CADPS: variants seen among roughly 807,000 people sequenced by gnomAD.
CADPS encodes calcium dependent secretion activator.
Under a neutral mutation model 167.3 loss-of-function variants are expected in CADPS, and 57 were observed. That is an observed-to-expected ratio of 0.34 (90% confidence interval 0.28 to 0.42). CADPS has a LOEUF of 0.42. CADPS is among the 20% of genes least tolerant of loss of function. CADPS has a pLI of 1.00. For missense variants in CADPS, 1,414 were observed against 1,738.1 expected, an observed-to-expected ratio of 0.81 and a Z score of 3.32; for synonymous variants, 676 against 635.3, an observed-to-expected ratio of 1.06 and a Z score of -0.96.
intron 6 of CADPS, among the ~76,000 whole-genome samples, chr3:62,627,922 G>A (rs1380647741): frequency 1.3e-5 from 2 of 152,216 alleles, no homozygotes; most frequent in South Asian, 2.1e-4. Flanking sequence ...AATTCTAATC[G>A]AGGATCCTCA....
chr3:62,693,381 A>G (rs1475391505), intron 3 of CADPS, among the ~76,000 whole-genome samples: 3 of 152,152 alleles, frequency 2.0e-5, no homozygotes, highest in Non-Finnish European at 2.9e-5. Flanking sequence ...TGTCATGCTT[A>G]TCAATTGTGT....
At chr3:62,418,514 A>AT (rs1400581762) in intron 28 of CADPS, among the ~76,000 whole-genome samples, 1 of 67,648 alleles carries the variant, frequency 1.5e-5, no homozygotes, top group Non-Finnish European at 3.1e-5. Context: ...TTTTTTTGGT[A>AT]TTTTTTTGTA....
chr3:62,696,635 A>G (rs1443404368), intron 3 of CADPS, among the ~76,000 whole-genome samples: 1 of 152,112 alleles, frequency 6.6e-6, no homozygotes, highest in East Asian at 1.9e-4. Flanking sequence ...ATTGCTGCCT[A>G]TATGATATCT....
intron 3 of CADPS, among the ~76,000 whole-genome samples, chr3:62,700,240 G>A (rs149441086): frequency 6.6e-6 from 1 of 152,228 alleles, no homozygotes; most frequent in East Asian, 1.9e-4. Context: ...CCCTTCAAGA[G>A]GTGGAGCTTA....
At chr3:62,530,894 A>G in intron 13 of CADPS, 2 of 659,464 alleles carry the variant, frequency 3.0e-6, no homozygotes, top group Non-Finnish European at 3.8e-6. Context: ...CACATGCACA[A>G]ACAAAAGAAA....
intron 8 of CADPS, among the ~76,000 whole-genome samples, chr3:62,579,822 A>T (rs55688316): frequency 0.42 from 63,089 of 151,590 alleles, 14,427 homozygotes; most frequent in African/African-American, 0.62. Flanking sequence ...TTTTAAAAAA[A>T]ATTGCTTCAC....
chr3:62,797,900 CATAT>C (rs1242126915), intron 1 of CADPS, among the ~76,000 whole-genome samples: 1 of 151,954 alleles, frequency 6.6e-6, no homozygotes, highest in African/African-American at 2.4e-5. Context: ...AAAAATGTAA[CATAT>C]ATATTTTTTA....
intron 3 of CADPS, among the ~76,000 whole-genome samples, chr3:62,730,625 C>A (rs2077586411): frequency 6.6e-6 from 1 of 152,128 alleles, no homozygotes; most frequent in Non-Finnish European, 1.5e-5. Flanking sequence ...TTCTGCAGGC[C>A]ACTCCTTCAA....
intron 1 of CADPS, among the ~76,000 whole-genome samples, chr3:62,795,527 T>C (rs2093345676): frequency 6.6e-6 from 1 of 152,204 alleles, no homozygotes; most frequent in Admixed American, 6.5e-5. Flanking sequence ...CGTTCTTGTT[T>C]ACTAAGGCTT....
chr3:62,843,346 T>C (rs894806078), intron 1 of CADPS, among the ~76,000 whole-genome samples: 1 of 152,222 alleles, frequency 6.6e-6, no homozygotes, highest in African/African-American at 2.4e-5. Flanking sequence ...GTGAAGTTAC[T>C]AAATATTGAA....
rs182040350 is a variant in CADPS at position 62,429,739 on chromosome 3, G to A, written c.3777+8365C>T. Among the ~76,000 whole-genome samples, 210 of 151,948 alleles carry A rather than the reference G, an allele frequency of 1.4e-3. 2 individuals are homozygous for A. Among genetic ancestry groups the A allele is most frequent in the African/African-American group, 4.9e-3 (203 of 41,466 alleles). ...AAAAAAACCCCTGTTCTAAGACACA[G>A]AAGTATTGTGTGGGTCATGTTAACA... is the stretch of plus-strand genomic sequence containing the variant. On this transcript the variant is annotated intron_variant, in intron 28 of 29. Coordinates refer to ENST00000383710, the MANE Select transcript of CADPS (RefSeq NM_003716.4).
chr3:62,531,768 C>A (rs973996163), intron 13 of CADPS, among the ~76,000 whole-genome samples: 9 of 152,118 alleles, frequency 5.9e-5, no homozygotes, highest in African/African-American at 2.2e-4. Context: ...TATACTAATG[C>A]AAGGCTACAT....
intron 3 of CADPS, among the ~76,000 whole-genome samples, chr3:62,684,747 T>C (rs576253926): frequency 3.3e-5 from 5 of 151,956 alleles, no homozygotes; most frequent in South Asian, 4.1e-4. Flanking sequence ...TCTTCCCTGG[T>C]TTAAGACATT....
At position 62,651,125 on chromosome 3, in the gene CADPS, G is replaced by C. The variant is rs573411624; in HGVS notation, c.970-45C>G. On this transcript the variant is annotated intron_variant, in intron 4 of 29. Coordinates refer to ENST00000383710, the MANE Select transcript of CADPS (RefSeq NM_003716.4). ...GTATGAGCAGAGGAGAAAATAGAAAGCTGATTTATAAAGAAGGTCTTTGTC... is the reference window on the plus strand; with the variant it reads ...GTATGAGCAGAGGAGAAAATAGAAACCTGATTTATAAAGAAGGTCTTTGTC... 46 of 1,362,314 alleles carry C rather than the reference G, an allele frequency of 3.4e-5. No homozygotes were observed. The South Asian group carries it at 5.6e-4, about 17-fold the overall frequency. 84.4% of individuals were successfully genotyped at this position (1,362,314 alleles called of 1,614,324 possible).
At position 62,465,191 on chromosome 3, in the gene CADPS, G is replaced by C. The variant is rs1325816061; in HGVS notation, c.3636+176C>G. 6.6e-6 allele frequency among the ~76,000 whole-genome samples: 1 copy of C among 152,020 alleles called. No individual in the cohort carries two copies. Among genetic ancestry groups the C allele is most frequent in the African/African-American group, 2.4e-5 (1 of 41,366 alleles). ...TACAAATGAAATAGAAATGATGTTG[G>C]ATTACCTGCTGTTATTAAATGTTTG... On this transcript the variant is annotated intron_variant, in intron 26 of 29. Coordinates refer to ENST00000383710, the MANE Select transcript of CADPS (RefSeq NM_003716.4). This position sits in a 1 kb window ranked among gnomAD's most constrained non-coding sequence, Gnocchi z 4.1.
chr3:62,493,447 G>A (rs2064081565), intron 19 of CADPS, among the ~76,000 whole-genome samples, 198 bp downstream of exon 19: 1 of 152,218 alleles, frequency 6.6e-6, no homozygotes, highest in South Asian at 2.1e-4. Flanking sequence ...AACACTTTCC[G>A]GAGCATTCAC....
At chr3:62,651,338 G>A (rs527421208) in intron 4 of CADPS, among the ~76,000 whole-genome samples, 2 of 152,212 alleles carry the variant, frequency 1.3e-5, no homozygotes, top group Non-Finnish European at 2.9e-5. Flanking sequence ...CTTTATTACA[G>A]TTCTATTTTT....
chr3:62,451,402 A>G (rs1457294295), intron 26 of CADPS, among the ~76,000 whole-genome samples: 1 of 151,992 alleles, frequency 6.6e-6, no homozygotes, highest in Non-Finnish European at 1.5e-5. Context: ...CTTTTGCTTC[A>G]TTAGGGGAAA....
At chr3:62,675,943 A>G (rs2076271937) in intron 3 of CADPS, among the ~76,000 whole-genome samples, 1 of 151,982 alleles carries the variant, frequency 6.6e-6, no homozygotes, top group South Asian at 2.1e-4. Flanking sequence ...TCTCCTCCCC[A>G]ATTACTGTAA....
Sources: allele counts gnomAD v4.1 joint callset (sites outside exome capture counted in the v4.1 genomes callset), GRCh38; gene constraint gnomAD v4.1.1; non-coding constraint Gnocchi (gnomAD v3.1); transcripts MANE v1.5; gene names NCBI Gene and HGNC (gene_info 2026-07-23, HGNC 2026-07-21).